TRNAU1AP: variants seen among roughly 807,000 people sequenced by gnomAD.
The protein encoded by TRNAU1AP is tRNA selenocysteine 1-associated protein 1.
A neutral mutation model predicts 43.3 loss-of-function variants in TRNAU1AP; 33 were observed. The ratio of observed to expected loss-of-function variants is 0.76; its 90% confidence interval spans 0.58 to 1.02. The LOEUF is 1.02. Among genes scored for constraint, TRNAU1AP ranks in the 50% least tolerant of loss-of-function variants. The pLI, the probability that TRNAU1AP is intolerant of heterozygous loss-of-function variation, is 0.00. For missense variants in TRNAU1AP, 290 were observed against 362.7 expected (o/e 0.80, Z 1.63); for synonymous variants, 143 against 129.1 (o/e 1.11, Z -0.73).
At chr1:28,553,780 C>T in intron 2 of TRNAU1AP, 43 bp downstream of exon 2, 5 of 1,521,916 alleles carry the variant, frequency 3.3e-6, no homozygotes, top group Non-Finnish European at 4.6e-6. Flanking sequence ...CTCGTTGCAG[C>T]TGTCATGTAC....
At chr1:28,577,389 TG>T in intron 8 of TRNAU1AP, 110 bp from the exon 9 acceptor site, 2 of 1,205,354 alleles carry the variant, frequency 1.7e-6, no homozygotes, top group Non-Finnish European at 1.2e-6. Context: ...TGAAAGAAAC[TG>T]GCAGGATAGG....
chr1:28,575,396 G>A (rs977549443), intron 8 of TRNAU1AP, among the ~76,000 whole-genome samples: 5 of 151,184 alleles, frequency 3.3e-5, no homozygotes, highest in Admixed American at 2.0e-4. Context: ...CTCATGATCC[G>A]CCCGCCTCTG....
chr1:28,571,835 G>C, intron 7 of TRNAU1AP, 32 bp from the exon 8 acceptor site: 1 of 1,570,740 alleles, frequency 6.4e-7, no homozygotes, highest in Non-Finnish European at 8.7e-7. Flanking sequence ...ATTTCACCAT[G>C]CCCCTAACCC....
At chr1:28,571,786 A>AAAAAAAAATAAAAAAAAT in intron 7 of TRNAU1AP, 81 bp from the exon 8 acceptor site, 1 of 1,008,582 alleles carries the variant, frequency 9.9e-7, no homozygotes, top group Non-Finnish European at 1.5e-6. Context: ...CCACCTCAAA[A>AAAAAAAAATAAAAAAAAT]AAAATAAAAA....
chr1:28,553,302 G>A (rs1665176154), intron 1 of TRNAU1AP, 165 bp downstream of exon 1: 5 of 864,076 alleles, frequency 5.8e-6, no homozygotes, highest in Non-Finnish European at 8.8e-6. Flanking sequence ...TAAGTGAAGA[G>A]GCTGAGTCCG....
At chr1:28,553,923 C>T (rs1023908820) in intron 2 of TRNAU1AP, 186 bp downstream of exon 2, 2 of 566,612 alleles carry the variant, frequency 3.5e-6, no homozygotes, top group South Asian at 2.0e-5. Flanking sequence ...ACTTGCCAGG[C>T]GTTGTGACTC....
chr1:28,570,413 T>G (rs1053583003), intron 6 of TRNAU1AP, among the ~76,000 whole-genome samples: 1 of 151,976 alleles, frequency 6.6e-6, no homozygotes, highest in Admixed American at 6.6e-5. Context: ...ACCCAGCTAA[T>G]TTTTTGTATT....
intron 5 of TRNAU1AP, among the ~76,000 whole-genome samples, chr1:28,566,314 C>CAA (rs58656186): frequency 4.9e-4 from 52 of 105,650 alleles, no homozygotes; most frequent in African/African-American, 1.6e-3. Flanking sequence ...GACTCCATCT[C>CAA]AAAAAAAAAA....
At chr1:28,553,569 G>A in intron 1 of TRNAU1AP, 71 bp from the exon 2 acceptor site, 2 of 1,449,932 alleles carry the variant, frequency 1.4e-6, no homozygotes, top group Non-Finnish European at 9.6e-7. Flanking sequence ...GGCTGAACGG[G>A]AGGGGCTCTG....
chr1:28,563,299 C>T (rs1665456295), intron 4 of TRNAU1AP, among the ~76,000 whole-genome samples: 1 of 151,948 alleles, frequency 6.6e-6, no homozygotes, highest in African/African-American at 2.4e-5. Flanking sequence ...CCTGTAATCC[C>T]AGCACTTTGG....
chr1:28,577,461 C>T (rs931293253), intron 8 of TRNAU1AP, 39 bp from the exon 9 acceptor site: 1 of 1,607,752 alleles, frequency 6.2e-7, no homozygotes, highest in Non-Finnish European at 8.5e-7. Context: ...TTGCAGCTGT[C>T]CCTAGACTTC....
At chr1:28,559,310 G>A (rs1397073887) in intron 2 of TRNAU1AP, among the ~76,000 whole-genome samples, 2 of 152,006 alleles carry the variant, frequency 1.3e-5, no homozygotes, top group African/African-American at 4.8e-5. Flanking sequence ...TTTTAAGGAG[G>A]TAAGACTAGT....
intron 5 of TRNAU1AP, chr1:28,565,419 A>C (rs1665514957): frequency 6.6e-6 from 1 of 150,732 alleles, no homozygotes; most frequent in Non-Finnish European, 1.5e-5. Context: ...TGGAAGGCGG[A>C]GGTTGCAATG....
chr1:28,571,839 C>G, intron 7 of TRNAU1AP, 28 bp from the exon 8 acceptor site: 2 of 1,583,148 alleles, frequency 1.3e-6, no homozygotes, highest in South Asian at 2.2e-5. Context: ...CACCATGCCC[C>G]TAACCCACAT....
At chr1:28,560,076 G>A (rs1004997229) in intron 2 of TRNAU1AP, among the ~76,000 whole-genome samples, 1 of 152,074 alleles carries the variant, frequency 6.6e-6, no homozygotes, top group African/African-American at 2.4e-5. Flanking sequence ...AGGTTATAGT[G>A]AGCTGAGATC....
chr1:28,554,248 G>A (rs1665203939), intron 2 of TRNAU1AP, among the ~76,000 whole-genome samples: 2 of 151,308 alleles, frequency 1.3e-5, no homozygotes, highest in African/African-American at 4.9e-5. Context: ...AAGCGAGACT[G>A]GGTTTGAAAG....
rs777363365 is a variant in TRNAU1AP at position 28,567,397 on chromosome 1, G to T, written c.514G>T (p.Val172Leu). ...GGGGTCTAAGCCTGTGCGGCTGAGC[G>T]TGGCAATCCCTAAAGCGTGAGTCCT... ...GLGSKPVRLS[V>L]AIPKASRVKP... Residue 172 changes from valine to leucine, a missense_variant, in exon 6 of 9, where the codon GTG becomes TTG. Val to Leu is a conservative substitution (Grantham distance 32, BLOSUM62 1). This residue lies in a region of TRNAU1AP where 174 missense variants were observed against 262.1 expected (regional missense o/e 0.66). Transcript: ENST00000373830. 6.2e-7 allele frequency: 1 copy of T among 1,609,102 alleles called. No homozygotes were observed. Among genetic ancestry groups the T allele is most frequent in the Admixed American group, 1.7e-5 (1 of 58,064 alleles).
intron 4 of TRNAU1AP, among the ~76,000 whole-genome samples, chr1:28,563,678 C>G (rs557566838): frequency 8.2e-4 from 123 of 150,322 alleles, no homozygotes; most frequent in African/African-American, 2.6e-3. Context: ...AGCGAGACTC[C>G]GTCTCAAAAA....
chr1:28,569,850 AATT>A (rs1665624463), intron 6 of TRNAU1AP, among the ~76,000 whole-genome samples: 1 of 149,076 alleles, frequency 6.7e-6, no homozygotes, highest in Non-Finnish European at 1.5e-5. Flanking sequence ...AAAAAAAAAA[AATT>A]AGCCGGGCGT....
Sources: gnomAD v4.1 joint callset for allele counts (sites outside exome capture counted in the v4.1 genomes callset) on GRCh38, gnomAD v4.1.1 for gene constraint, gnomAD v4.1.1 regional missense constraint, MANE v1.5 for transcripts, NCBI Gene and HGNC (gene_info 2026-07-23, HGNC 2026-07-21) for gene names.